The following CHST11 variants were observed in gnomAD, a reference collection of about 807,000 sequenced individuals.
CHST11 encodes carbohydrate sulfotransferase 11.
In CHST11, 9 loss-of-function variants were observed where a neutral mutation model predicts 30.4. The observed-to-expected ratio is 0.30, with a 90% CI of 0.18 to 0.52. The LOEUF is 0.52. Ranked by LOEUF, CHST11 falls within the 20% of genes least tolerant of loss-of-function variation. The pLI is 0.97. For synonymous variants in CHST11, 152 were observed against 187.8 expected, an observed-to-expected ratio of 0.81 and a Z score of 1.56; for missense variants, 348 against 460.6, an observed-to-expected ratio of 0.76 and a Z score of 2.24.
At chr12:104,564,022 G>A (rs546078367) in intron 1 of CHST11, among the ~76,000 whole-genome samples, 10 of 152,212 alleles carry the variant, frequency 6.6e-5, no homozygotes, top group African/African-American at 2.2e-4. Flanking sequence ...AGATCTACGT[G>A]GAGACACCCA....
chr12:104,585,984 T>C (rs1045975714), intron 1 of CHST11, among the ~76,000 whole-genome samples: 2 of 152,184 alleles, frequency 1.3e-5, no homozygotes, highest in African/African-American at 2.4e-5. Flanking sequence ...TGACCTCACT[T>C]AATTTAACTC....
intron 1 of CHST11, among the ~76,000 whole-genome samples, chr12:104,462,737 A>T (rs1479684008): frequency 6.6e-6 from 1 of 152,196 alleles, no homozygotes; most frequent in Non-Finnish European, 1.5e-5. Flanking sequence ...GATCTCATGT[A>T]CCCCATAAAT....
At chr12:104,715,410 G>A (rs966993793) in intron 2 of CHST11, among the ~76,000 whole-genome samples, 3 of 151,922 alleles carry the variant, frequency 2.0e-5, no homozygotes, top group Non-Finnish European at 4.4e-5. Context: ...AGACAGTAAC[G>A]GTTACTTCTC....
intron 2 of CHST11, among the ~76,000 whole-genome samples, chr12:104,704,086 A>G (rs1013677672): frequency 3.3e-5 from 5 of 152,252 alleles, no homozygotes; most frequent in Admixed American, 1.3e-4. Flanking sequence ...CGTTCGTCGA[A>G]CGGAAGGTGT....
intron 2 of CHST11, among the ~76,000 whole-genome samples, chr12:104,743,368 C>T (rs971490748): frequency 3.9e-5 from 6 of 152,134 alleles, no homozygotes; most frequent in African/African-American, 7.2e-5. Flanking sequence ...TGGCTGGTTC[C>T]GCCTTGTCTT....
intron 2 of CHST11, among the ~76,000 whole-genome samples, chr12:104,612,112 G>A (rs1044291841): frequency 3.3e-5 from 5 of 152,170 alleles, no homozygotes; most frequent in African/African-American, 1.2e-4. Flanking sequence ...AAATGGAACT[G>A]GAATTCCCTC....
intron 1 of CHST11, among the ~76,000 whole-genome samples, chr12:104,521,848 G>A (rs534873279): frequency 6.6e-6 from 1 of 152,206 alleles, no homozygotes; most frequent in South Asian, 2.1e-4. Flanking sequence ...CCTGCCAGTG[G>A]GCATTTTCTG....
chr12:104,694,410 G>A (rs907377144), intron 2 of CHST11, among the ~76,000 whole-genome samples: 2 of 152,142 alleles, frequency 1.3e-5, no homozygotes, highest in East Asian at 3.8e-4. Context: ...TCCTGCACTG[G>A]GCGCTGCACC....
At chr12:104,496,520 C>T (rs1314027645) in intron 1 of CHST11, among the ~76,000 whole-genome samples, 1 of 152,132 alleles carries the variant, frequency 6.6e-6, no homozygotes, top group Non-Finnish European at 1.5e-5. Context: ...GAAAAAAATC[C>T]GTTATGTTAT....
chr12:104,576,237 A>G (rs1207136345), intron 1 of CHST11, among the ~76,000 whole-genome samples: 1 of 151,992 alleles, frequency 6.6e-6, no homozygotes, highest in Non-Finnish European at 1.5e-5. Context: ...TCCTGCTTTC[A>G]AGATGTGGAA....
At chr12:104,504,581 T>C (rs1318287961) in intron 1 of CHST11, among the ~76,000 whole-genome samples, 1 of 152,116 alleles carries the variant, frequency 6.6e-6, no homozygotes. Flanking sequence ...AATCCTACAA[T>C]TTAGGGTCCC....
intron 1 of CHST11, among the ~76,000 whole-genome samples, chr12:104,501,343 C>A (rs2037852393): frequency 6.6e-6 from 1 of 152,120 alleles, no homozygotes; most frequent in Non-Finnish European, 1.5e-5. Flanking sequence ...GCCCTGGGAT[C>A]CAGGAAGTAA....
chr12:104,574,603 G>T (rs1398003682), intron 1 of CHST11, among the ~76,000 whole-genome samples: 1 of 151,114 alleles, frequency 6.6e-6, no homozygotes, highest in Non-Finnish European at 1.5e-5. Context: ...GCAAACTATC[G>T]CAAGGACAAA....
intron 2 of CHST11, among the ~76,000 whole-genome samples, chr12:104,675,934 T>A (rs1000275388): frequency 6.6e-6 from 1 of 150,548 alleles, no homozygotes; most frequent in Non-Finnish European, 1.5e-5. Context: ...GGGTCACGTG[T>A]GCTGTGGTCA....
intron 1 of CHST11, among the ~76,000 whole-genome samples, chr12:104,460,737 T>C (rs2037400591): frequency 6.6e-6 from 1 of 151,954 alleles, no homozygotes; most frequent in Non-Finnish European, 1.5e-5. Flanking sequence ...GATTCTAATC[T>C]GGGGCCCATT....
chr12:104,702,497 C>T (rs1197319579), intron 2 of CHST11, among the ~76,000 whole-genome samples: 2 of 151,934 alleles, frequency 1.3e-5, no homozygotes, highest in South Asian at 2.1e-4. Flanking sequence ...AGGACTGCAC[C>T]CAGCTGATTC....
rs149294624 is a variant in CHST11, at chr12:104,563,372, C to T, written c.119-38534C>T. On this transcript the variant is annotated intron_variant, in intron 1 of 2. Coordinates refer to ENST00000303694, the MANE Select transcript of CHST11 (RefSeq NM_018413.6). ...CTGATGGTGTCTGCTGTGCTTAGAC[C>T]GTGTCCAGCATGAGGGAAACACTCA... Among the ~76,000 whole-genome samples the T allele has an allele frequency of 1.2e-3, 186 of 152,230 alleles. 3 individuals are homozygous for T. The East Asian group carries it at 0.031, about 25-fold the overall frequency.
chr12:104,666,249 G>C (rs1238531712), intron 2 of CHST11, among the ~76,000 whole-genome samples: 3 of 152,138 alleles, frequency 2.0e-5, no homozygotes, highest in Non-Finnish European at 4.4e-5. Flanking sequence ...ATGATCACGG[G>C]TATAGGTTTT....
chr12:104,667,147 G>A (rs1015277862), intron 2 of CHST11, among the ~76,000 whole-genome samples: 2 of 152,158 alleles, frequency 1.3e-5, no homozygotes, highest in African/African-American at 2.4e-5. Context: ...ATTCAGTTCC[G>A]TGAATTTGGT....
Sources: allele counts gnomAD v4.1 joint callset (sites outside exome capture counted in the v4.1 genomes callset), GRCh38; gene constraint gnomAD v4.1.1; transcripts MANE v1.5; gene names NCBI Gene and HGNC (gene_info 2026-07-23, HGNC 2026-07-21).